The following ODAD3 variants were observed in gnomAD, a reference collection of about 807,000 sequenced individuals.
The protein encoded by ODAD3 is outer dynein arm docking complex subunit 3, also known as outer dynein arm-docking complex subunit 3.
In ODAD3, 57 loss-of-function variants were observed where a neutral mutation model predicts 70.9. The ratio of observed to expected loss-of-function variants is 0.80; its 90% CI spans 0.65 to 1.00. The LOEUF (loss-of-function observed/expected upper bound fraction) is 1.00, where lower values mean the gene tolerates loss of function less well. ODAD3 is among the 50% of genes least tolerant of loss of function. The pLI, the probability that ODAD3 is intolerant of heterozygous loss-of-function variation, is 0.00. For missense variants in ODAD3, 797 were observed against 763.9 expected, an observed-to-expected ratio of 1.04 and a Z score of -0.51; for synonymous variants, 327 against 315.9, an observed-to-expected ratio of 1.04 and a Z score of -0.37.
At chr19:11,425,408 TAC>T (rs1331804489) in intron 7 of ODAD3, among the ~76,000 whole-genome samples, 10 of 111,024 alleles carry the variant, frequency 9.0e-5, no homozygotes, top group East Asian at 5.3e-4. Flanking sequence ...TATGTATATA[TAC>T]ATATATGTGT....
At chr19:11,426,597 G>T (rs373795760) in intron 5 of ODAD3, 26 bp from the exon 6 acceptor site, 1 of 1,613,942 alleles carries the variant, frequency 6.2e-7, no homozygotes, top group South Asian at 1.1e-5. Flanking sequence ...GAGGGGTAGC[G>T]GAGATGGTGC....
intron 3 of ODAD3, among the ~76,000 whole-genome samples, chr19:11,430,072 C>G (rs374086165): frequency 7.2e-5 from 11 of 152,244 alleles, no homozygotes; most frequent in African/African-American, 2.4e-4. Flanking sequence ...ACAACCTCAG[C>G]TTACTACAAC....
Position 11,422,461 on chromosome 19 carries a change from C to T in ODAD3, c.1434+10G>A, listed in dbSNP as rs751816890. 3.2e-6 allele frequency: 5 copies of T among 1,566,872 alleles called. No individual in the cohort carries two copies. The highest frequency in any genetic ancestry group is 2.3e-5 in the South Asian group (2 of 85,822). On this transcript the variant is annotated intron_variant, in intron 10 of 12. Transcript: ENST00000356392. This position sits in a 1 kb window ranked among gnomAD's most constrained non-coding sequence, Gnocchi z 4.6. ...AGGGCCTGTCGGGGCTTCCCCTGGG[C>T]GGGGCCTACCACAGTGATGTGGATC... is the stretch of plus-strand genomic sequence containing the variant.
intron 1 of ODAD3, chr19:11,431,317 G>T: frequency 9.1e-6 from 3 of 331,364 alleles, no homozygotes; most frequent in South Asian, 8.3e-5. Flanking sequence ...CTCCATGTTG[G>T]TCAGGCTGGT....
intron 8 of ODAD3, among the ~76,000 whole-genome samples, chr19:11,423,425 CG>C: frequency 6.6e-6 from 1 of 152,212 alleles, no homozygotes; most frequent in East Asian, 1.9e-4. Context: ...GGGGACACAG[CG>C]GTCTTAGAAT....
intron 10 of ODAD3, 48 bp from the exon 11 acceptor site, chr19:11,421,880 G>T (rs757377017): frequency 1.3e-6 from 2 of 1,572,766 alleles, no homozygotes; most frequent in South Asian, 1.1e-5. Context: ...GGGGCCTCTT[G>T]GAAGGCTCCA....
Position 11,425,121 on chromosome 19 carries a change from A to G in ODAD3, c.963+1023T>C, listed in dbSNP as rs898094826. 3.8e-5 allele frequency among the ~76,000 whole-genome samples: 5 copies of G among 132,836 alleles called. 1 individual carries two copies. Among genetic ancestry groups the G allele is most frequent in the East Asian group, 2.2e-4 (1 of 4,464 alleles). 87.1% of individuals were successfully genotyped at this position (132,836 alleles called of 152,430 possible). A position where few individuals can be genotyped will look rare whatever the true frequency, so the allele number is the denominator to read the frequency against. Reference sequence around the variant, plus strand: ...TATATATGTATATATGTGTATATGTACATATGTGTATATGTGTATATGTAC... The same window carrying G: ...TATATATGTATATATGTGTATATGTGCATATGTGTATATGTGTATATGTAC... On this transcript the variant is annotated intron_variant, in intron 7 of 12. Transcript: ENST00000356392.
chr19:11,425,375 ATGTG>A (rs1414768316), intron 7 of ODAD3, among the ~76,000 whole-genome samples: 6 of 124,620 alleles, frequency 4.8e-5, no homozygotes, highest in South Asian at 2.3e-4. Context: ...ATGTGTATAT[ATGTG>A]TGTATGTACA....
At chr19:11,429,707 C>G (rs1210027448) in intron 3 of ODAD3, among the ~76,000 whole-genome samples, 2 of 151,490 alleles carry the variant, frequency 1.3e-5, no homozygotes, top group Non-Finnish European at 2.9e-5. Flanking sequence ...CGCGCCCGGC[C>G]TTTTGTATTT....
At chr19:11,426,394 C>G (rs1490237401) in intron 6 of ODAD3, 52 bp downstream of exon 6, 1 of 1,611,732 alleles carries the variant, frequency 6.2e-7, no homozygotes, top group Non-Finnish European at 8.5e-7. Flanking sequence ...GATTCTCAAG[C>G]TGGGAGACCG....
rs773035373 is a variant in ODAD3 at position 11,426,241 on chromosome 19, G to A, written c.866C>T (p.Thr289Ile). ...AKNQLQYLEE[T>I]LVRERKKRER... is the part of the protein sequence containing the mutation. ...CCGCTTCTTGCGCTCTCGAACCAAGGTCTCCTCTAGGTACTGCAGCTGGTT... is the reference window on the plus strand; with the variant it reads ...CCGCTTCTTGCGCTCTCGAACCAAGATCTCCTCTAGGTACTGCAGCTGGTT... Residue 289 changes from threonine to isoleucine, a missense_variant, in exon 7 of 13, where the codon ACC (threonine) becomes ATC (isoleucine). Transcript: ENST00000356392. The A allele has an allele frequency of 6.2e-7, 1 of 1,613,920 alleles. No individual in the cohort carries two copies. Among genetic ancestry groups the A allele is most frequent in the Middle Eastern group, 1.7e-4 (1 of 6,060 alleles).
intron 1 of ODAD3, among the ~76,000 whole-genome samples, chr19:11,432,212 G>C (rs1969518524): frequency 1.3e-5 from 2 of 152,154 alleles, no homozygotes; most frequent in South Asian, 2.1e-4. Flanking sequence ...TTGTCCCTCT[G>C]TATACTCAGG....
In ODAD3 at chr19:11,426,286, G is replaced by C; in HGVS notation, c.841-20C>G. 6.2e-7 allele frequency: 1 copy of C among 1,613,340 alleles called. No individual in the cohort carries two copies. Among genetic ancestry groups the C allele is most frequent in the Non-Finnish European group, 8.5e-7 (1 of 1,179,754 alleles). On this transcript the variant is annotated intron_variant, in intron 6 of 12. Transcript: ENST00000356392. ...CTGGTTCTGGAGGGCGGGCAGGGTA[G>C]CAGGGAGACCAGCTGGCACCTACCA...
intron 3 of ODAD3, among the ~76,000 whole-genome samples, chr19:11,427,658 T>A (rs1197871803): frequency 1.3e-5 from 2 of 151,910 alleles, no homozygotes; most frequent in South Asian, 4.1e-4. Context: ...ATTTTTGTAT[T>A]TTGGGTAGAG....
chr19:11,435,296 G>T, upstream of ODAD3: 1 of 945,188 alleles, frequency 1.1e-6, no homozygotes, highest in Non-Finnish European at 1.5e-6. Flanking sequence ...GTAGAGCCGC[G>T]CCGCAGGACG....
intron 7 of ODAD3, among the ~76,000 whole-genome samples, chr19:11,425,633 G>GCA (rs1969347222): frequency 0.015 from 2,096 of 136,346 alleles, 221 homozygotes; most frequent in African/African-American, 0.062. Context: ...ATGCATATAT[G>GCA]TATATATATG....
At chr19:11,424,066 G>A (rs776329735) in intron 7 of ODAD3, 37 bp from the exon 8 acceptor site, 2 of 1,589,716 alleles carry the variant, frequency 1.3e-6, no homozygotes, top group East Asian at 2.3e-5. Context: ...GGGTCAGCTG[G>A]TGGACAGCGC....
chr19:11,424,926 T>C (rs1490514956), intron 7 of ODAD3, among the ~76,000 whole-genome samples: 5 of 120,512 alleles, frequency 4.1e-5, no homozygotes, highest in South Asian at 2.5e-4. Context: ...TATGTACCTA[T>C]GTGTATATAT....
chr19:11,423,141 C>A (rs796276125), intron 8 of ODAD3, among the ~76,000 whole-genome samples: 2 of 152,236 alleles, frequency 1.3e-5, no homozygotes, highest in African/African-American at 4.8e-5. Flanking sequence ...TAGCTTCTTT[C>A]CAAAATCAAA....
Sources: gnomAD v4.1 joint callset for allele counts (sites outside exome capture counted in the v4.1 genomes callset) on GRCh38, gnomAD v4.1.1 for gene constraint, Gnocchi (gnomAD v3.1) non-coding constraint, MANE v1.5 for transcripts, NCBI Gene and HGNC (gene_info 2026-07-23, HGNC 2026-07-21) for gene names.